The following DNASE1 variants were observed in gnomAD, a reference collection of about 807,000 sequenced individuals.
DNASE1 encodes deoxyribonuclease-1.
In DNASE1, 40 loss-of-function variants were observed where a neutral mutation model predicts 33.9. That is an observed-to-expected ratio of 1.18 (90% CI 0.92 to 1.54). The LOEUF (loss-of-function observed/expected upper bound fraction) is 1.54, where lower values mean the gene tolerates loss of function less well. Among genes scored for constraint, DNASE1 ranks in the 40% most tolerant of loss-of-function variants. The probability of loss-of-function intolerance (pLI) is 0.00; values close to 1 mark genes in which losing one functional copy is unlikely to be tolerated. For synonymous variants in DNASE1, 216 were observed against 160.0 expected (o/e 1.35, Z -2.64); for missense variants, 518 against 372.6 (o/e 1.39, Z -3.21).
At chr16:3,635,905 C>T (rs1035303834) in intron 1 of DNASE1, among the ~76,000 whole-genome samples, 1 of 152,130 alleles carries the variant, frequency 6.6e-6, no homozygotes, top group African/African-American at 2.4e-5. Context: ...TAGTTTTGTT[C>T]TGTTTTTGTT....
chr16:3,636,234 T>C (rs1375991219), intron 1 of DNASE1, among the ~76,000 whole-genome samples: 1 of 137,694 alleles, frequency 7.3e-6, no homozygotes, highest in Non-Finnish European at 1.5e-5. Context: ...TCAAAGGCAT[T>C]CTTCACTTTT....
At chr16:3,638,985 T>C (rs1417756377), upstream of DNASE1, among the ~76,000 whole-genome samples, 1 of 152,240 alleles carries the variant, frequency 6.6e-6, no homozygotes. Context: ...ATCATGCTCA[T>C]GTTTCCCTTT....
At chr16:3,613,400 T>G (rs974732078) in intron 1 of DNASE1, among the ~76,000 whole-genome samples, 15 of 152,242 alleles carry the variant, frequency 9.9e-5, no homozygotes, top group African/African-American at 3.6e-4. Context: ...TTTTACTTTT[T>G]GGCTGTTAGA....
downstream of DNASE1, chr16:3,662,849 C>T (rs374972381): frequency 2.4e-5 from 39 of 1,609,922 alleles, no homozygotes; most frequent in Non-Finnish European, 3.3e-5. Flanking sequence ...GACACTGCGG[C>T]CAAGTGGTGG....
At chr16:3,648,741 G>A (rs568622370) in intron 1 of DNASE1, among the ~76,000 whole-genome samples, 1 of 152,238 alleles carries the variant, frequency 6.6e-6, no homozygotes, top group Non-Finnish European at 1.5e-5. Flanking sequence ...TTATGGGTCA[G>A]TGTTCTGCTT....
upstream of DNASE1, chr16:3,653,806 C>CAAAAAAAAAAAAAAAAAAAAAAAAAA (rs71133649): frequency 8.1e-5 from 3 of 37,038 alleles, no homozygotes; most frequent in African/African-American, 3.3e-4. Context: ...GATTCCGCCT[C>CAAAAAAAAAAAAAAAAAAAAAAAAAA]AAAAAAAAAA....
Position 3,657,211 on chromosome 16 carries a change from A to G in DNASE1, c.574A>G (p.Asn192Asp), listed in dbSNP as rs1350495873. ...LEDVMLMGDFNAGCSYVRPSQ... is the reference protein window; with the variant it reads ...LEDVMLMGDFDAGCSYVRPSQ... ...GGACGTCATGTTGATGGGCGACTTC[A>G]ATGCGGGCTGCAGCTATGTGAGACC... The change falls in exon 7 of 9, where the codon AAT (asparagine) becomes GAT (aspartate). Residue 192 changes from asparagine (N) to aspartate (D), a missense_variant. By Grantham distance (23) the Asn-to-Asp change is conservative (BLOSUM62 1). Coordinates refer to ENST00000246949, the MANE Select transcript of DNASE1 (RefSeq NM_005223.4). The G allele has an allele frequency of 1.2e-6, 2 of 1,614,022 alleles. No homozygotes were observed. The highest frequency in any genetic ancestry group is 1.7e-6 in the Non-Finnish European group (2 of 1,180,012).
intron 1 of DNASE1, among the ~76,000 whole-genome samples, chr16:3,619,052 T>A (rs77993029): frequency 1.3e-5 from 2 of 151,872 alleles, no homozygotes; most frequent in Non-Finnish European, 2.9e-5. Context: ...TTTTTTTTTT[T>A]GAGACGGGGT....
intron 1 of DNASE1, 44 bp downstream of exon 1, chr16:3,655,088 A>G: frequency 1.7e-6 from 1 of 590,672 alleles, no homozygotes; most frequent in Non-Finnish European, 3.0e-6. Context: ...GCCGGTTTGG[A>G]GCAGGGAGGG....
intron 1 of DNASE1, among the ~76,000 whole-genome samples, chr16:3,617,326 CAAAAAAAAAA>C (rs56670885): frequency 1.4e-3 from 80 of 57,722 alleles, no homozygotes; most frequent in East Asian, 7.8e-3. Flanking sequence ...AACTCCATCT[CAAAAAAAAAA>C]AAAAAAAAAA....
At chr16:3,660,876 A>G (rs2151236339), downstream of DNASE1, 1 of 152,166 alleles carries the variant, frequency 6.6e-6, no homozygotes, top group Non-Finnish European at 1.5e-5. Flanking sequence ...GTGAGCTGAG[A>G]TTGCCCCACT....
intron 1 of DNASE1, among the ~76,000 whole-genome samples, chr16:3,646,339 C>G (rs1319651838): frequency 6.6e-6 from 1 of 152,108 alleles, no homozygotes. Context: ...CAAGAAAGAC[C>G]ACTACTTTCT....
At chr16:3,624,689 G>GT (rs1596566627) in intron 1 of DNASE1, among the ~76,000 whole-genome samples, 2 of 152,088 alleles carry the variant, frequency 1.3e-5, no homozygotes, top group South Asian at 4.2e-4. Context: ...TTCTTTTCTT[G>GT]TTTTTTGAGA....
rs1320862441 is a variant in DNASE1 at position 3,655,877 on chromosome 16, T to G, written c.176T>G (p.Val59Gly). 6.2e-7 allele frequency: 1 copy of G among 1,613,922 alleles called. No homozygotes were observed. Among genetic ancestry groups the G allele is most frequent in the Non-Finnish European group, 8.5e-7 (1 of 1,179,988 alleles). ...CTGAGCCGCTATGACATCGCCCTGG[T>G]CCAGGAGGTCAGAGACAGCCACCTG... is the stretch of plus-strand genomic sequence containing the variant. The part of the protein sequence containing the change: ...QILSRYDIAL[V>G]QEVRDSHLTA... Residue 59 changes from valine (V) to glycine (G), a missense_variant, in exon 3 of 9, where the codon GTC becomes GGC. Coordinates refer to ENST00000246949, the MANE Select transcript of DNASE1 (RefSeq NM_005223.4).
Position 3,657,082 on chromosome 16 carries a change from C to G in DNASE1, c.520C>G (p.Leu174Val), listed in dbSNP as rs763348516. ...GATCGACGCTCTCTATGACGTCTACCTGGATGTCCAAGAGAAATGGGGCTT... is the reference window on the plus strand; with the variant it reads ...GATCGACGCTCTCTATGACGTCTACGTGGATGTCCAAGAGAAATGGGGCTT... Reference protein sequence around the residue: ...AEIDALYDVYLDVQEKWGLED... With the variant: ...AEIDALYDVYVDVQEKWGLED... Residue 174 changes from leucine to valine, a missense_variant, in exon 6 of 9, where the codon CTG becomes GTG. Coordinates refer to ENST00000246949, the MANE Select transcript of DNASE1 (RefSeq NM_005223.4). 4 of 1,614,120 alleles carry G rather than the reference C, an allele frequency of 2.5e-6. No individual in the cohort carries two copies. The highest frequency in any genetic ancestry group is 3.4e-6 in the Non-Finnish European group (4 of 1,180,018).
At chr16:3,641,579 C>T (rs1398032752), upstream of DNASE1, among the ~76,000 whole-genome samples, 2 of 152,208 alleles carry the variant, frequency 1.3e-5, no homozygotes, top group African/African-American at 2.4e-5. Context: ...GACTCCTTCC[C>T]TGTGAAATGG....
chr16:3,660,713 A>AGTT (rs766630595), downstream of DNASE1: 4 of 152,292 alleles, frequency 2.6e-5, no homozygotes, highest in Non-Finnish European at 4.4e-5. Flanking sequence ...TAATTTTAAA[A>AGTT]GTTATGGTTG....
intron 1 of DNASE1, among the ~76,000 whole-genome samples, chr16:3,637,766 C>T (rs1434572623): frequency 6.6e-6 from 1 of 152,084 alleles, no homozygotes; most frequent in Non-Finnish European, 1.5e-5. Context: ...TCTGGTAGGG[C>T]TCATGGAGGT....
downstream of DNASE1, chr16:3,659,771 A>C (rs2042962748): frequency 6.7e-6 from 1 of 149,874 alleles, no homozygotes; most frequent in South Asian, 2.1e-4. Context: ...ATAGATAGAT[A>C]GATAGATAGA....
Sources: allele counts gnomAD v4.1 joint callset (sites outside exome capture counted in the v4.1 genomes callset), GRCh38; gene constraint gnomAD v4.1.1; transcripts MANE v1.5; gene names NCBI Gene and HGNC (gene_info 2026-07-23, HGNC 2026-07-21).